Variants in STARD9 observed in about 807,000 individuals in gnomAD.
STARD9 encodes StAR related lipid transfer domain containing 9.
STARD9 carries 346 observed loss-of-function variants against 399.8 expected under a neutral mutation model. That is an observed-to-expected ratio of 0.87 (90% confidence interval 0.79 to 0.95). STARD9 has a LOEUF of 0.95. STARD9 is among the 40% of genes least tolerant of loss of function. The pLI is 0.00. For missense variants in STARD9, 5,832 were observed against 5,667.5 expected (o/e 1.03, Z -0.93); for synonymous variants, 2,203 against 2,143.5 (o/e 1.03, Z -0.77).
chr15:42,694,057 A>C lies in STARD9; in HGVS notation c.12479A>C (p.Glu4160Ala). 6.5e-7 allele frequency: 1 copy of C among 1,536,552 alleles called. No homozygotes were observed. The highest frequency in any genetic ancestry group is 1.2e-5 in the South Asian group (1 of 83,930). Residue 4160 changes from glutamate to alanine, a missense_variant, in exon 23 of 33, where the codon GAG (glutamate) becomes GCG (alanine). Physicochemically the swap from Glu to Ala is moderately radical, Grantham distance 107 (BLOSUM62 -1). Around this residue, in one of 2 missense-constraint regions of STARD9, gnomAD observed 5,828 missense variants for 5,651.1 expected, o/e 1.03. Transcript: ENST00000290607. ...KGSPGGLDMTEEELGASGDLS... is the reference protein window; with the variant it reads ...KGSPGGLDMTAEELGASGDLS... ...TCACCTGGGGGGTTGGACATGACTGAGGAGGAGCTGGGGGCCAGCGGTGAT... is the reference window on the plus strand; with the variant it reads ...TCACCTGGGGGGTTGGACATGACTGCGGAGGAGCTGGGGGCCAGCGGTGAT...
chr15:42,601,554 G>C (rs1244456202), intron 3 of STARD9, among the ~76,000 whole-genome samples: 2 of 149,084 alleles, frequency 1.3e-5, no homozygotes, highest in Admixed American at 6.7e-5. Flanking sequence ...CCTCCCGGAC[G>C]GGGCGGCTGG....
chr15:42,655,474 C>T (rs1227787998), intron 9 of STARD9, among the ~76,000 whole-genome samples: 4 of 152,134 alleles, frequency 2.6e-5, no homozygotes, highest in South Asian at 2.1e-4. Context: ...CAAACAAAAA[C>T]GTAAAGTGGG....
chr15:42,664,931 G>A (rs929969969), intron 13 of STARD9, among the ~76,000 whole-genome samples: 3 of 152,064 alleles, frequency 2.0e-5, no homozygotes, highest in Non-Finnish European at 4.4e-5. Flanking sequence ...TGGCTTTTGT[G>A]TTACCTGCTT....
chr15:42,606,956 G>A (rs185468708), intron 3 of STARD9, among the ~76,000 whole-genome samples: 126 of 151,384 alleles, frequency 8.3e-4, no homozygotes, highest in Admixed American at 3.3e-3. Context: ...GTACTTCATT[G>A]ATTGATTGAT....
chr15:42,584,435 A>T (rs1321343849), intron 2 of STARD9, among the ~76,000 whole-genome samples: 5 of 152,146 alleles, frequency 3.3e-5, no homozygotes, highest in Admixed American at 2.0e-4. Context: ...GGTTCTTAAG[A>T]ATAAGTCTCA....
chr15:42,675,825 G>A (rs1270210411), intron 19 of STARD9, 47 bp from the exon 20 acceptor site: 9 of 1,534,036 alleles, frequency 5.9e-6, no homozygotes, highest in Non-Finnish European at 7.9e-6. Flanking sequence ...GCTGGGAGAG[G>A]TGGAGGCGAT....
chr15:42,658,109 TTGAAA>T (rs2059911679), intron 9 of STARD9, among the ~76,000 whole-genome samples: 2 of 152,176 alleles, frequency 1.3e-5, no homozygotes. Context: ...GAAGTACAAA[TTGAAA>T]TCGAGTTAAT....
At chr15:42,681,669 C>T (rs539366399) in intron 21 of STARD9, 57 bp downstream of exon 21, 4 of 1,372,558 alleles carry the variant, frequency 2.9e-6, no homozygotes, top group African/African-American at 2.9e-5. Flanking sequence ...CATTTTCATG[C>T]TTCCTCAGCC....
Position 42,691,284 on chromosome 15 carries a change from G to A in STARD9, c.9706G>A (p.Glu3236Lys), listed in dbSNP as rs368853312. The A allele has an allele frequency of 2.0e-6, 3 of 1,537,156 alleles. No individual in the cohort carries two copies. The highest frequency in any genetic ancestry group is 2.6e-6 in the Non-Finnish European group (3 of 1,146,910). The change falls in exon 23 of 33, where the codon GAA (glutamate) becomes AAA (lysine). Residue 3236 changes from glutamate to lysine, a missense_variant. Transcript: ENST00000290607. ...FAQGVNPLPD[E>K]DGLDGCQILD... ...CCAGGGTGTGAATCCCCTTCCTGAT[G>A]AAGATGGCTTAGATGGCTGTCAGAT...
intron 3 of STARD9, among the ~76,000 whole-genome samples, chr15:42,598,583 T>C (rs1262826594): frequency 6.6e-6 from 1 of 152,136 alleles, no homozygotes; most frequent in Non-Finnish European, 1.5e-5. Context: ...CTGAATACTA[T>C]TAGTTCATCT....
intron 3 of STARD9, among the ~76,000 whole-genome samples, chr15:42,610,638 G>A (rs1456914356): frequency 2.0e-5 from 3 of 151,890 alleles, no homozygotes; most frequent in Non-Finnish European, 4.4e-5. Context: ...AACCTCCGCC[G>A]CCCGGGTTCA....
At chr15:42,700,533 T>C (rs2060943914) in intron 26 of STARD9, among the ~76,000 whole-genome samples, 1 of 152,220 alleles carries the variant, frequency 6.6e-6, no homozygotes, top group East Asian at 1.9e-4. Flanking sequence ...AAACTAGTGA[T>C]GTTGAGCATT....
chr15:42,651,128 TC>T (rs1270569359), intron 8 of STARD9, 43 bp downstream of exon 8: 1 of 1,357,760 alleles, frequency 7.4e-7, no homozygotes, highest in Admixed American at 2.0e-5. Flanking sequence ...ATCCTCACAC[TC>T]CTATCCTGTG....
rs1310806492 is a variant in STARD9 at position 42,716,742 on chromosome 15, AGT to A, written c.13352_13353del (p.Val4451GlufsTer47). The A allele has an allele frequency of 6.5e-7, 1 of 1,537,048 alleles. No homozygotes were observed. Among genetic ancestry groups the A allele is most frequent in the East Asian group, 2.4e-5 (1 of 40,908 alleles). ...IGDERGGHSA[V>X]RKNSAYSHRA... ...GGGATGAGCGAGGAGGCCATTCTGC[AGT>A]GAGGAAGAACTCTGCCTACAGTGAG... On this transcript the variant is annotated frameshift_variant, in exon 27 of 33. Coordinates refer to ENST00000290607, the MANE Select transcript of STARD9 (RefSeq NM_020759.3). LOFTEE classifies it high-confidence loss of function.
chr15:42,648,203 C>T (rs193228005), intron 7 of STARD9, among the ~76,000 whole-genome samples: 145 of 152,306 alleles, frequency 9.5e-4, no homozygotes, highest in African/African-American at 3.4e-3. Flanking sequence ...TGCTCTGTCA[C>T]CCAGGTTAGA....
At chr15:42,608,027 A>T (rs2058772574) in intron 3 of STARD9, among the ~76,000 whole-genome samples, 1 of 151,758 alleles carries the variant, frequency 6.6e-6, no homozygotes, top group African/African-American at 2.4e-5. Flanking sequence ...CCATTATCTT[A>T]TTTTTTGTTT....
At chr15:42,706,811 T>C (rs1480306207) in intron 26 of STARD9, among the ~76,000 whole-genome samples, 1 of 152,196 alleles carries the variant, frequency 6.6e-6, no homozygotes, top group Non-Finnish European at 1.5e-5. Flanking sequence ...TATCCAACTA[T>C]TCCTACTTTA....
intron 3 of STARD9, among the ~76,000 whole-genome samples, chr15:42,632,071 C>T (rs1379151359): frequency 6.6e-6 from 1 of 151,784 alleles, no homozygotes; most frequent in Admixed American, 6.6e-5. Flanking sequence ...GTATTGAGGT[C>T]TCTCTCTCTT....
rs1409516921 is a variant in STARD9 at position 42,675,970 on chromosome 15, G to A, written c.1869G>A (p.Lys623=). 1.4e-6 allele frequency: 2 copies of A among 1,445,530 alleles called. No individual in the cohort carries two copies. 89.5% of individuals were successfully genotyped at this position (1,445,530 alleles called of 1,614,324 possible). ...SRLGLSPLLW[K]ERRALEEQCD... is the part of the protein sequence containing the mutation. ...TGGGTCTCTCCCCTTTGCTTTGGAA[G>A]GAAAGGTAAGAAATAGCTGCTTATA... The change falls in exon 20 of 33, where the codon AAG becomes AAA. Residue 623 remains lysine (K), a synonymous_variant. Coordinates refer to ENST00000290607, the MANE Select transcript of STARD9 (RefSeq NM_020759.3).
Sources: gnomAD v4.1 joint callset for allele counts (sites outside exome capture counted in the v4.1 genomes callset) on GRCh38, gnomAD v4.1.1 for gene constraint, gnomAD v4.1.1 regional missense constraint, MANE v1.5 for transcripts, NCBI Gene and HGNC (gene_info 2026-07-23, HGNC 2026-07-21) for gene names.